Variants in FOXJ3 observed in about 807,000 individuals in gnomAD.
FOXJ3 encodes the protein forkhead box J3.
In FOXJ3, 22 loss-of-function variants were observed where a neutral mutation model predicts 76.1. The ratio of observed to expected loss-of-function variants is 0.29; its 90% CI spans 0.21 to 0.41. The LOEUF (loss-of-function observed/expected upper bound fraction) is 0.41, where lower values mean the gene tolerates loss of function less well. FOXJ3 is among the 10% of genes least tolerant of loss of function. The pLI is 1.00. For missense variants in FOXJ3, 613 were observed against 762.1 expected (o/e 0.80, Z 2.30); for synonymous variants, 269 against 261.2 (o/e 1.03, Z -0.29).
At chr1:42,307,535 T>A (rs1433273572) in intron 2 of FOXJ3, among the ~76,000 whole-genome samples, 1 of 152,234 alleles carries the variant, frequency 6.6e-6, no homozygotes, top group Non-Finnish European at 1.5e-5. Context: ...TCTATTAAAG[T>A]ATTATCTCTG....
At chr1:42,273,787 C>T (rs972775493) in intron 3 of FOXJ3, among the ~76,000 whole-genome samples, 8 of 151,742 alleles carry the variant, frequency 5.3e-5, no homozygotes, top group African/African-American at 1.9e-4. Flanking sequence ...GTCTGGCCTG[C>T]AGAGATTCAT....
At chr1:42,296,273 T>G (rs1653781340) in intron 2 of FOXJ3, among the ~76,000 whole-genome samples, 1 of 152,232 alleles carries the variant, frequency 6.6e-6, no homozygotes, top group Admixed American at 6.5e-5. Context: ...TTTCTCCCAT[T>G]CTATAGGCTG....
chr1:42,331,538 T>C (rs1329633974), intron 1 of FOXJ3, among the ~76,000 whole-genome samples: 1 of 152,098 alleles, frequency 6.6e-6, no homozygotes, highest in African/African-American at 2.4e-5. Context: ...TTGAAACATA[T>C]GCAAGTGAAA....
At chr1:42,297,513 G>A (rs1213120800) in intron 2 of FOXJ3, among the ~76,000 whole-genome samples, 2 of 152,160 alleles carry the variant, frequency 1.3e-5, no homozygotes, top group African/African-American at 2.4e-5. Flanking sequence ...TGCATCTATG[G>A]AGATAATCAT....
At chr1:42,299,506 G>A (rs72954213) in intron 2 of FOXJ3, among the ~76,000 whole-genome samples, 2,535 of 148,672 alleles carry the variant, frequency 0.017, 70 homozygotes, top group African/African-American at 0.06. Context: ...CAGTGTGTGT[G>A]GGGGGGTCTC....
At chr1:42,183,520 T>C (rs972016358) in intron 11 of FOXJ3, among the ~76,000 whole-genome samples, 1 of 151,916 alleles carries the variant, frequency 6.6e-6, no homozygotes, top group African/African-American at 2.4e-5. Context: ...AGAACAAACA[T>C]GACCCCTCCT....
intron 4 of FOXJ3, among the ~76,000 whole-genome samples, chr1:42,249,470 A>G (rs902686923): frequency 4.6e-5 from 7 of 152,202 alleles, no homozygotes; most frequent in Admixed American, 6.5e-5. Context: ...AAGAAGTGAA[A>G]TAAGTTTTCT....
At chr1:42,294,549 A>C (rs1344866763) in intron 2 of FOXJ3, among the ~76,000 whole-genome samples, 1 of 152,168 alleles carries the variant, frequency 6.6e-6, no homozygotes, top group Non-Finnish European at 1.5e-5. Flanking sequence ...ATCTGGGATC[A>C]GGAGTTCGAG....
chr1:42,309,001 CAAA>C lies in FOXJ3; in HGVS notation c.44+2046_44+2048del, dbSNP rs59583552. On this transcript the variant is annotated intron_variant, in intron 2 of 12. Transcript: ENST00000361346. The stretch of plus-strand genomic sequence containing the variant: ...TAAAGAAATAACAACAGTCGTTTTA[CAAA>C]AAAAAAAAAAAAAATGCTTTTCTAC... Among the ~76,000 whole-genome samples the C allele has an allele frequency of 5.8e-3, 607 of 103,832 alleles. 12 individuals carry two copies. Among genetic ancestry groups the C allele is most frequent in the Admixed American group, 0.015 (133 of 8,734 alleles). The allele number at this position is 103,832 out of a possible 152,430, so 68.1% of individuals were successfully genotyped here.
intron 1 of FOXJ3, among the ~76,000 whole-genome samples, chr1:42,333,058 T>C (rs967388257): frequency 2.0e-5 from 3 of 152,088 alleles, no homozygotes; most frequent in African/African-American, 4.8e-5. Context: ...CTCGGTACTT[T>C]ACAGAAGTAC....
At chr1:42,274,796 T>C (rs973076422) in intron 3 of FOXJ3, among the ~76,000 whole-genome samples, 4 of 151,350 alleles carry the variant, frequency 2.6e-5, no homozygotes, top group Non-Finnish European at 5.9e-5. Flanking sequence ...ATAAAGCATA[T>C]GGTAACACAA....
At chr1:42,234,906 G>T (rs1648475785) in intron 4 of FOXJ3, among the ~76,000 whole-genome samples, 1 of 152,160 alleles carries the variant, frequency 6.6e-6, no homozygotes, top group Non-Finnish European at 1.5e-5. Context: ...TGCATGCTGG[G>T]AGAACCACTA....
intron 4 of FOXJ3, among the ~76,000 whole-genome samples, chr1:42,259,194 G>C (rs1650843328): frequency 6.6e-6 from 1 of 152,066 alleles, no homozygotes; most frequent in Non-Finnish European, 1.5e-5. Context: ...TTTTGGAAAA[G>C]GCAAAATTAT....
intron 2 of FOXJ3, among the ~76,000 whole-genome samples, chr1:42,298,295 A>C (rs1258013438): frequency 6.6e-6 from 1 of 152,220 alleles, no homozygotes; most frequent in Non-Finnish European, 1.5e-5. Flanking sequence ...TTATATCAGC[A>C]TGAGAACAGA....
At chr1:42,289,400 A>C (rs1198249448) in intron 2 of FOXJ3, among the ~76,000 whole-genome samples, 1 of 152,176 alleles carries the variant, frequency 6.6e-6, no homozygotes, top group Non-Finnish European at 1.5e-5. Flanking sequence ...GACAAGATAC[A>C]TGTGGAATAT....
At chr1:42,244,727 A>G (rs1430630204) in intron 4 of FOXJ3, among the ~76,000 whole-genome samples, 3 of 152,174 alleles carry the variant, frequency 2.0e-5, no homozygotes, top group African/African-American at 2.4e-5. Flanking sequence ...ACATCACAGA[A>G]ATACAGATCA....
intron 2 of FOXJ3, among the ~76,000 whole-genome samples, chr1:42,302,115 G>C (rs1654188211): frequency 6.6e-6 from 1 of 152,132 alleles, no homozygotes; most frequent in Admixed American, 6.5e-5. Context: ...CCAAATGCTG[G>C]TTATATCAGT....
chr1:42,209,806 G>C (rs1320352404), intron 5 of FOXJ3, among the ~76,000 whole-genome samples: 2 of 152,178 alleles, frequency 1.3e-5, no homozygotes, highest in Non-Finnish European at 2.9e-5. Flanking sequence ...AGAGGTCACA[G>C]GTTGAGAGAC....
At chr1:42,330,214 T>C (rs1656076208) in intron 1 of FOXJ3, among the ~76,000 whole-genome samples, 1 of 152,216 alleles carries the variant, frequency 6.6e-6, no homozygotes. Flanking sequence ...TAGCTATTAT[T>C]ATCATTACAT....
Sources: allele counts gnomAD v4.1 joint callset (sites outside exome capture counted in the v4.1 genomes callset), GRCh38; gene constraint gnomAD v4.1.1; transcripts MANE v1.5; gene names NCBI Gene and HGNC (gene_info 2026-07-23, HGNC 2026-07-21).